Variants in GPAM observed in about 807,000 individuals in gnomAD.
The protein encoded by GPAM is glycerol-3-phosphate acyltransferase 1, mitochondrial.
A neutral mutation model predicts 105.0 loss-of-function variants in GPAM; 56 were observed. The observed-to-expected ratio is 0.53, with a 90% CI of 0.43 to 0.67. The LOEUF is 0.67. Among genes scored for constraint, GPAM ranks in the 30% least tolerant of loss-of-function variants. GPAM has a pLI of 0.00. For missense variants in GPAM, 855 were observed against 989.8 expected, an observed-to-expected ratio of 0.86 and a Z score of 1.83; for synonymous variants, 368 against 354.4, an observed-to-expected ratio of 1.04 and a Z score of -0.43.
Position 112,152,849 on chromosome 10 carries a change from G to T in GPAM, c.*701C>A. On this transcript the variant is annotated 3_prime_UTR_variant, in exon 22 of 22. Coordinates refer to ENST00000348367, the MANE Select transcript of GPAM (RefSeq NM_001244949.2). ...GCCAAGTTTCCCTAGAATTTTGCCA[G>T]CCAAATTAACTTCCTGATGTTAACT... 3.7e-6 allele frequency: 1 copy of T among 272,166 alleles called. No individual in the cohort carries two copies. The highest frequency in any genetic ancestry group is 5.6e-6 in the Non-Finnish European group (1 of 177,790). 16.9% of individuals were successfully genotyped at this position (272,166 alleles called of 1,614,324 possible).
At chr10:112,187,856 C>T (rs1419297426), upstream of GPAM, among the ~76,000 whole-genome samples, 5 of 151,938 alleles carry the variant, frequency 3.3e-5, no homozygotes, top group Non-Finnish European at 7.4e-5. Context: ...AAAACATATA[C>T]TCTGAGCACG....
At position 112,212,907 on chromosome 10, in the gene GPAM, T is replaced by C. The variant is rs75466414; in HGVS notation, n.210+2261A>G. 9.9e-4 allele frequency among the ~76,000 whole-genome samples: 151 copies of C among 152,310 alleles called. 2 individuals carry two copies. The East Asian group carries it at 0.026, about 26-fold the overall frequency. ...CTTACTTCAAGGCTGGAAAAACGATTTGGAGCTCCTCTTCATGTTTAGGCG... is the reference window on the plus strand; with the variant it reads ...CTTACTTCAAGGCTGGAAAAACGATCTGGAGCTCCTCTTCATGTTTAGGCG... On this transcript the variant is annotated intron_variant and non_coding_transcript_variant, in intron 1 of 3. Coordinates refer to the GPAM transcript ENST00000480130.
chr10:112,172,014 T>C (rs1028776136), intron 9 of GPAM, among the ~76,000 whole-genome samples, 168 bp downstream of exon 9: 2 of 152,206 alleles, frequency 1.3e-5, no homozygotes, highest in African/African-American at 4.8e-5. Flanking sequence ...TCTTAATGCA[T>C]TTTTGCACTC....
intron 1 of GPAM, among the ~76,000 whole-genome samples, chr10:112,207,809 A>G (rs1272500395): frequency 6.6e-6 from 1 of 152,158 alleles, no homozygotes; most frequent in Non-Finnish European, 1.5e-5. Flanking sequence ...GAAGCACTCA[A>G]CCCAAGCATG....
Position 112,151,623 on chromosome 10 carries a change from G to A in GPAM, c.*1927C>T. 1.0e-6 allele frequency: 1 copy of A among 985,480 alleles called. No individual in the cohort carries two copies. The highest frequency in any genetic ancestry group is 1.2e-6 in the Non-Finnish European group (1 of 829,910). The allele number at this position is 985,480 out of a possible 1,614,324, so 61.0% of individuals were successfully genotyped here. ...GAGAAGCCGTATTTTCTTTGCTTAG[G>A]TTGGCAAAGCAGCAGCTCTTTGCAG... is the stretch of plus-strand genomic sequence containing the variant. On this transcript the variant is annotated 3_prime_UTR_variant, in exon 22 of 22. Transcript: ENST00000348367.
At chr10:112,163,137 TAAAG>T (rs907066539) in intron 14 of GPAM, among the ~76,000 whole-genome samples, 5 of 152,220 alleles carry the variant, frequency 3.3e-5, no homozygotes, top group African/African-American at 1.2e-4. Context: ...GCTTGGAACT[TAAAG>T]AAGACTGGTC....
At chr10:112,203,561 T>C (rs1044928206) in intron 1 of GPAM, among the ~76,000 whole-genome samples, 1 of 152,220 alleles carries the variant, frequency 6.6e-6, no homozygotes, top group Non-Finnish European at 1.5e-5. Context: ...CAACCTCAAA[T>C]TTTTCACCCA....
chr10:112,193,380 T>C (rs1307924823), intron 1 of GPAM, among the ~76,000 whole-genome samples: 1 of 152,128 alleles, frequency 6.6e-6, no homozygotes, highest in African/African-American at 2.4e-5. Flanking sequence ...ACTTTTATCC[T>C]CTCTCTGCCA....
rs1161560746 is a variant in GPAM at position 112,150,914 on chromosome 10, C to A, written c.*2636G>T. On this transcript the variant is annotated 3_prime_UTR_variant, in exon 22 of 22. Coordinates refer to ENST00000348367, the MANE Select transcript of GPAM (RefSeq NM_001244949.2). ...CCCAGAAATATTTTCTCCATTTACC[C>A]TCATGACTTTGTGAAATTTAACAGA... is the stretch of plus-strand genomic sequence containing the variant. The A allele has an allele frequency of 1.0e-6, 1 of 985,188 alleles. No individual in the cohort carries two copies. The highest frequency in any genetic ancestry group is 1.2e-6 in the Non-Finnish European group (1 of 829,748). The allele number at this position is 985,188 out of a possible 1,614,324, so 61.0% of individuals were successfully genotyped here.
At chr10:112,182,553 C>T (rs1201599883) in intron 2 of GPAM, among the ~76,000 whole-genome samples, 1 of 152,162 alleles carries the variant, frequency 6.6e-6, no homozygotes, top group African/African-American at 2.4e-5. Context: ...TAATCTCTAG[C>T]CTCACATTAT....
In GPAM at chr10:112,153,316, G is replaced by A; in HGVS notation, c.*234C>T. The A allele has an allele frequency of 7.2e-7, 1 of 1,394,024 alleles. No homozygotes were observed. The highest frequency in any genetic ancestry group is 9.3e-7 in the Non-Finnish European group (1 of 1,073,832). The allele number at this position is 1,394,024 out of a possible 1,614,324, so 86.4% of individuals were successfully genotyped here. ...TTTCATCTTGTAGTCTACGGATTAT[G>A]AGTTGCGAATAGAGGCTGAGGTCCC... is the stretch of plus-strand genomic sequence containing the variant. On this transcript the variant is annotated 3_prime_UTR_variant, in exon 22 of 22. Coordinates refer to ENST00000348367, the MANE Select transcript of GPAM (RefSeq NM_001244949.2).
intron 12 of GPAM, among the ~76,000 whole-genome samples, chr10:112,164,996 C>T (rs1210219251): frequency 6.6e-6 from 1 of 151,922 alleles, no homozygotes; most frequent in Non-Finnish European, 1.5e-5. Context: ...TCAAAAGAAC[C>T]TCAATCTAAA....
chr10:112,182,220 C>A (rs868332484), intron 2 of GPAM, among the ~76,000 whole-genome samples: 19 of 152,186 alleles, frequency 1.2e-4, no homozygotes, highest in African/African-American at 4.6e-4. Context: ...AGAGCTTATT[C>A]TTATTTCATT....
intron 1 of GPAM, among the ~76,000 whole-genome samples, chr10:112,204,423 G>C (rs1847836721): frequency 6.6e-6 from 1 of 151,788 alleles, no homozygotes; most frequent in South Asian, 2.1e-4. Flanking sequence ...GGAGTGGGTA[G>C]GGGAAGAAGA....
intron 8 of GPAM, 121 bp downstream of exon 8, chr10:112,172,849 G>A (rs888512792): frequency 1.4e-6 from 1 of 721,488 alleles, no homozygotes; most frequent in Non-Finnish European, 2.6e-6. Context: ...TCATAAATGA[G>A]GGAAATCTTC....
At chr10:112,208,058 G>A (rs1338079890) in intron 1 of GPAM, among the ~76,000 whole-genome samples, 2 of 152,162 alleles carry the variant, frequency 1.3e-5, no homozygotes, top group Non-Finnish European at 2.9e-5. Flanking sequence ...AGCTTGTGAG[G>A]GACTTCCAGT....
chr10:112,214,065 C>T (rs900336260), intron 1 of GPAM, among the ~76,000 whole-genome samples: 7 of 152,146 alleles, frequency 4.6e-5, no homozygotes, highest in Non-Finnish European at 7.3e-5. Context: ...GCAGTGAAAG[C>T]TCCCTGAGGA....
upstream of GPAM, among the ~76,000 whole-genome samples, chr10:112,218,772 T>A (rs1248410392): frequency 6.6e-6 from 1 of 152,226 alleles, no homozygotes; most frequent in African/African-American, 2.4e-5. Flanking sequence ...AGGTTTCAAC[T>A]CATGAGGTTT....
intron 2 of GPAM, among the ~76,000 whole-genome samples, chr10:112,182,184 T>G (rs997670958): frequency 3.9e-5 from 6 of 152,218 alleles, no homozygotes; most frequent in African/African-American, 9.6e-5. Context: ...AAAATAGCTA[T>G]GAATAGTCAT....
Sources: gnomAD v4.1 joint callset for allele counts (sites outside exome capture counted in the v4.1 genomes callset) on GRCh38, gnomAD v4.1.1 for gene constraint, MANE v1.5 for transcripts, NCBI Gene and HGNC (gene_info 2026-07-23, HGNC 2026-07-21) for gene names.